Variants in PTP4A1 observed in about 807,000 individuals in gnomAD.
The protein encoded by PTP4A1 is protein tyrosine phosphatase 4A1.
In PTP4A1, 9 loss-of-function variants were observed where a neutral mutation model predicts 20.5. The observed-to-expected ratio is 0.44, with a 90% confidence interval of 0.26 to 0.77. The LOEUF is 0.77. Among genes scored for constraint, PTP4A1 ranks in the 30% least tolerant of loss-of-function variants. The probability of loss-of-function intolerance (pLI) is 0.19; values close to 1 mark genes in which losing one functional copy is unlikely to be tolerated. For synonymous variants in PTP4A1, 78 were observed against 67.4 expected, an observed-to-expected ratio of 1.16 and a Z score of -0.77; for missense variants, 137 against 218.8, an observed-to-expected ratio of 0.63 and a Z score of 2.36.
intron 2 of PTP4A1, among the ~76,000 whole-genome samples, chr6:63,528,738 G>A (rs1775304210): frequency 6.6e-6 from 1 of 152,026 alleles, no homozygotes; most frequent in Middle Eastern, 3.2e-3. Context: ...ACTCCAGCCT[G>A]GGGGACAGAG....
intron 2 of PTP4A1, among the ~76,000 whole-genome samples, chr6:63,531,215 T>G (rs573475119): frequency 6.6e-6 from 1 of 152,268 alleles, no homozygotes; most frequent in Non-Finnish European, 1.5e-5. Context: ...TCACAGCCAA[T>G]GGGCAGAGAC....
chr6:63,542,274 G>C (rs1051081156), intron 2 of PTP4A1, among the ~76,000 whole-genome samples: 1 of 152,132 alleles, frequency 6.6e-6, no homozygotes, highest in Non-Finnish European at 1.5e-5. Flanking sequence ...GACTCAGGGG[G>C]AAAGGGTGGG....
intron 1 of PTP4A1, among the ~76,000 whole-genome samples, chr6:63,526,548 G>T (rs890466580): frequency 1.3e-5 from 2 of 151,894 alleles, no homozygotes; most frequent in African/African-American, 4.8e-5. Context: ...AGTGGCTCAT[G>T]CCTGTAATCC....
chr6:63,568,626 C>T (rs1777286156), upstream of PTP4A1, among the ~76,000 whole-genome samples: 1 of 150,668 alleles, frequency 6.6e-6, no homozygotes, highest in East Asian at 1.9e-4. Context: ...TAGACTTGCT[C>T]GACAAAAAGC....
intron 1 of PTP4A1, among the ~76,000 whole-genome samples, chr6:63,527,617 A>G (rs1199950019): frequency 6.6e-6 from 1 of 152,118 alleles, no homozygotes; most frequent in East Asian, 1.9e-4. Context: ...TTCGGTGACA[A>G]CTCTTCCATT....
intron 3 of PTP4A1, among the ~76,000 whole-genome samples, chr6:63,552,795 C>A (rs545342306): frequency 6.6e-6 from 1 of 152,102 alleles, no homozygotes; most frequent in East Asian, 1.9e-4. Flanking sequence ...ATAGGGAAAC[C>A]TTTCCCCATT....
chr6:63,527,222 C>G (rs1428624871), intron 1 of PTP4A1, among the ~76,000 whole-genome samples: 1 of 152,152 alleles, frequency 6.6e-6, no homozygotes, highest in Non-Finnish European at 1.5e-5. Context: ...ATAGCAGTTA[C>G]TTTATGTGCA....
intron 1 of PTP4A1, among the ~76,000 whole-genome samples, chr6:63,574,583 A>T (rs1024891882): frequency 4.6e-5 from 7 of 152,244 alleles, no homozygotes; most frequent in African/African-American, 1.7e-4. Context: ...GTGCTTACTT[A>T]CATGAAGGGA....
intron 1 of PTP4A1, among the ~76,000 whole-genome samples, chr6:63,522,622 G>A (rs912395252): frequency 6.6e-6 from 1 of 152,190 alleles, no homozygotes; most frequent in African/African-American, 2.4e-5. Context: ...GAACACAATA[G>A]TGTAGCAGCC....
intron 3 of PTP4A1, among the ~76,000 whole-genome samples, chr6:63,556,836 T>G (rs1776707562): frequency 6.6e-6 from 1 of 152,192 alleles, no homozygotes. Context: ...AAGCAGAAAT[T>G]AGTAAACAAT....
intron 3 of PTP4A1, among the ~76,000 whole-genome samples, chr6:63,557,323 T>C (rs775939087): frequency 6.6e-6 from 1 of 152,182 alleles, no homozygotes; most frequent in Non-Finnish European, 1.5e-5. Context: ...CCCAGAACTT[T>C]GGGAGGCCAA....
At chr6:63,539,694 G>A (rs147302654) in intron 2 of PTP4A1, among the ~76,000 whole-genome samples, 15 of 152,074 alleles carry the variant, frequency 9.9e-5, no homozygotes, top group Non-Finnish European at 5.9e-5. Flanking sequence ...GCTTGAACCC[G>A]GGAGAGGGAG....
At chr6:63,521,061 C>T (rs1352055111), upstream of PTP4A1, among the ~76,000 whole-genome samples, 1 of 151,502 alleles carries the variant, frequency 6.6e-6, no homozygotes, top group African/African-American at 2.4e-5. Flanking sequence ...GGGAGGTGAA[C>T]ATCATATACT....
chr6:63,531,791 TC>T (rs1177270580), intron 2 of PTP4A1, among the ~76,000 whole-genome samples: 1 of 151,872 alleles, frequency 6.6e-6, no homozygotes, highest in Middle Eastern at 3.4e-3. Context: ...ATGTCCAGCC[TC>T]CCATAACACT....
chr6:63,576,663 A>G lies in PTP4A1; in HGVS notation c.-218A>G, dbSNP rs1777883818. 2 of 574,174 alleles carry G rather than the reference A, an allele frequency of 3.5e-6. No homozygotes were observed. The highest frequency in any genetic ancestry group is 6.1e-6 in the Non-Finnish European group (2 of 327,702). The allele number at this position is 574,174 out of a possible 1,614,324, so 35.6% of individuals were successfully genotyped here. The stretch of plus-strand genomic sequence containing the variant: ...ACCTGGATGGGGTAAACCTCAGTGC[A>G]CTTCTTTTCTGTTGGCCTCAGTATT... On this transcript the variant is annotated 5_prime_UTR_variant, in exon 2 of 6. Coordinates refer to ENST00000626021, the MANE Select transcript of PTP4A1 (RefSeq NM_003463.5).
At chr6:63,579,468 T>C (rs1320567638) in intron 5 of PTP4A1, 137 bp downstream of exon 5, 1 of 579,830 alleles carries the variant, frequency 1.7e-6, no homozygotes, top group African/African-American at 2.0e-5. Flanking sequence ...AATCAAGATC[T>C]TACATTCTTT....
intron 2 of PTP4A1, among the ~76,000 whole-genome samples, chr6:63,528,892 C>G (rs530325429): frequency 6.6e-6 from 1 of 152,124 alleles, no homozygotes; most frequent in East Asian, 1.9e-4. Context: ...AGTTCAAGAC[C>G]AGCCTGACTA....
intron 1 of PTP4A1, among the ~76,000 whole-genome samples, chr6:63,527,634 A>G (rs1392298106): frequency 1.3e-5 from 2 of 152,212 alleles, no homozygotes; most frequent in Admixed American, 6.5e-5. Flanking sequence ...CATTTTAACC[A>G]AGAAAACTGA....
chr6:63,574,369 G>GA (rs3839638), intron 1 of PTP4A1, among the ~76,000 whole-genome samples: 61,062 of 151,856 alleles, frequency 0.4, 12,900 homozygotes, highest in African/African-American at 0.53. Context: ...AGGTGGGAGG[G>GA]AAAAAATCCC....
Sources: allele counts gnomAD v4.1 joint callset (sites outside exome capture counted in the v4.1 genomes callset), GRCh38; gene constraint gnomAD v4.1.1; transcripts MANE v1.5; gene names NCBI Gene and HGNC (gene_info 2026-07-23, HGNC 2026-07-21).